CACNG6: variants seen among roughly 807,000 people sequenced by gnomAD.
The protein encoded by CACNG6 is calcium voltage-gated channel auxiliary subunit gamma 6, also known as voltage-dependent calcium channel gamma-6 subunit.
A neutral mutation model predicts 23.9 loss-of-function variants in CACNG6; 21 were observed. That is an observed-to-expected ratio of 0.88 (90% CI 0.62 to 1.26). The LOEUF (loss-of-function observed/expected upper bound fraction) is 1.26. CACNG6 is among the 50% of genes most tolerant of loss of function. The pLI, the probability that CACNG6 is intolerant of heterozygous loss-of-function variation, is 0.00. For missense variants in CACNG6, 340 were observed against 352.9 expected (o/e 0.96, Z 0.29); for synonymous variants, 182 against 168.9 (o/e 1.08, Z -0.60).
chr19:54,003,785 C>CAG lies in CACNG6; in HGVS notation c.544+4014_544+4015insAG, dbSNP rs371508491. The stretch of plus-strand genomic sequence containing the variant: ...AGGTAATTTCTATGGCCTCCTAACT[C>CAG]TTCTCTATGCTTCTCCTTTTAACCT... On this transcript the variant is annotated intron_variant, in intron 3 of 3. Transcript: ENST00000252729. 2.1e-3 allele frequency among the ~76,000 whole-genome samples: 325 copies of CAG among 152,314 alleles called. 1 individual carries two copies. The highest frequency in any genetic ancestry group is 7.5e-3 in the African/African-American group (313 of 41,570).
chr19:53,998,661 A>G (rs563555699), intron 2 of CACNG6, among the ~76,000 whole-genome samples: 48 of 151,980 alleles, frequency 3.2e-4, no homozygotes, highest in African/African-American at 1.1e-3. Context: ...ATAGGCGCCC[A>G]CCATCATGCC....
At chr19:54,006,517 CTTTTCTTTTT>C (rs1320391767) in intron 3 of CACNG6, among the ~76,000 whole-genome samples, 8 of 107,338 alleles carry the variant, frequency 7.5e-5, no homozygotes, top group African/African-American at 1.1e-4. Context: ...TTCCTTCTTT[CTTTTCTTTTT>C]TTTTTTTTTT....
chr19:54,003,657 A>G (rs2145961378), intron 3 of CACNG6, among the ~76,000 whole-genome samples: 1 of 152,006 alleles, frequency 6.6e-6, no homozygotes, highest in South Asian at 2.1e-4. Flanking sequence ...CACCCTGCCT[A>G]GCCATCCACC....
chr19:53,999,617 C>G lies in CACNG6; in HGVS notation c.407-17C>G, dbSNP rs370599460. 87 of 1,611,818 alleles carry G rather than the reference C, an allele frequency of 5.4e-5. No homozygotes were observed. The African/African-American group carries it at 1.1e-3, about 20-fold the overall frequency. On this transcript the variant is annotated splice_polypyrimidine_tract_variant and intron_variant, in intron 2 of 3. Coordinates refer to ENST00000252729, the MANE Select transcript of CACNG6 (RefSeq NM_145814.2). Reference sequence around the variant, plus strand: ...ACATCCCATGTTCTCTGCTTCTTTCCTCTCTCCTGCTGGCAGAGGTGAATC... The same window carrying G: ...ACATCCCATGTTCTCTGCTTCTTTCGTCTCTCCTGCTGGCAGAGGTGAATC...
intron 3 of CACNG6, among the ~76,000 whole-genome samples, chr19:54,010,031 CT>C (rs1228771084): frequency 8.5e-6 from 1 of 118,190 alleles, no homozygotes; most frequent in Non-Finnish European, 1.6e-5. Flanking sequence ...GAGACTATTT[CT>C]TTTCTTTCTT....
chr19:53,991,579 GGAGGGT>G, upstream of CACNG6, among the ~76,000 whole-genome samples: 1 of 108,096 alleles, frequency 9.3e-6, no homozygotes. Context: ...CCCCGAGGGT[GGAGGGT>G]GGAGGGTGGG....
intron 3 of CACNG6, among the ~76,000 whole-genome samples, chr19:54,006,165 G>A (rs916538183): frequency 3.3e-5 from 5 of 151,710 alleles, no homozygotes; most frequent in African/African-American, 1.2e-4. Flanking sequence ...GACTTTACCT[G>A]CTTTATTTTT....
chr19:54,000,153 C>T (rs1371300028), intron 3 of CACNG6, among the ~76,000 whole-genome samples: 3 of 152,320 alleles, frequency 2.0e-5, no homozygotes, highest in South Asian at 2.1e-4. Flanking sequence ...TTAGAGAAAG[C>T]GCAAGGACTA....
chr19:54,001,075 G>T (rs2069570404), intron 3 of CACNG6, among the ~76,000 whole-genome samples: 1 of 152,184 alleles, frequency 6.6e-6, no homozygotes, highest in East Asian at 1.9e-4. Flanking sequence ...TACAACCTCT[G>T]CCTCTAGGTT....
rs2069612233 is a variant in CACNG6 at position 54,004,333 on chromosome 19, TTTTGTGTGTGTGTGTGTG to T, written c.544+4564_544+4581del. On this transcript the variant is annotated intron_variant, in intron 3 of 3. Coordinates refer to ENST00000252729, the MANE Select transcript of CACNG6 (RefSeq NM_145814.2). ...CCACCACGCCTGGTTAATTTTGTAT[TTTTGTGTGTGTGTGTGTG>T]TGTGTGTGTGTGTGTGTGTGTGTGT... 3.8e-5 allele frequency among the ~76,000 whole-genome samples: 4 copies of T among 104,408 alleles called. No homozygotes were observed. In the South Asian group the frequency reaches 1.3e-3, roughly 33 times the overall value. 68.5% of individuals were successfully genotyped at this position (104,408 alleles called of 152,430 possible). A position where few individuals can be genotyped will look rare whatever the true frequency, so the allele number is the denominator to read the frequency against.
At chr19:54,004,314 C>A (rs555989741) in intron 3 of CACNG6, among the ~76,000 whole-genome samples, 1 of 147,818 alleles carries the variant, frequency 6.8e-6, no homozygotes, top group African/African-American at 2.6e-5. Context: ...TGCGCCACCA[C>A]GCCTGGTTAA....
intron 3 of CACNG6, among the ~76,000 whole-genome samples, chr19:54,004,176 T>C (rs1034143380): frequency 3.9e-5 from 6 of 152,076 alleles, no homozygotes; most frequent in African/African-American, 1.2e-4. Flanking sequence ...TTTTTTTTTT[T>C]TGAGACGGAG....
chr19:53,996,776 A>G (rs2069525117), intron 1 of CACNG6, among the ~76,000 whole-genome samples: 1 of 150,232 alleles, frequency 6.7e-6, no homozygotes, highest in Non-Finnish European at 1.5e-5. Context: ...ACAGATATGT[A>G]TTTTGACTTG....
At chr19:53,991,349 C>G (rs1451083849), upstream of CACNG6, among the ~76,000 whole-genome samples, 4 of 151,952 alleles carry the variant, frequency 2.6e-5, no homozygotes, top group East Asian at 7.8e-4. Flanking sequence ...GTCAGACTTG[C>G]TGCCCCGCCC....
chr19:54,004,498 G>A (rs2069617499), intron 3 of CACNG6, among the ~76,000 whole-genome samples: 1 of 151,566 alleles, frequency 6.6e-6, no homozygotes, highest in Non-Finnish European at 1.5e-5. Flanking sequence ...GATTACAGGT[G>A]TGAGCCACCA....
intron 3 of CACNG6, among the ~76,000 whole-genome samples, chr19:54,009,152 G>T (rs910872284): frequency 6.6e-6 from 1 of 152,102 alleles, no homozygotes; most frequent in Non-Finnish European, 1.5e-5. Context: ...GCCGGGCGCG[G>T]TGGCTCACGT....
At position 54,009,424 on chromosome 19, in the gene CACNG6, TG is replaced by T. The variant is rs1468573207; in HGVS notation, c.545-2524del. 3.6e-5 allele frequency among the ~76,000 whole-genome samples: 5 copies of T among 137,546 alleles called. No individual in the cohort carries two copies. The South Asian group carries it at 1.2e-3, about 32-fold the overall frequency. The allele number at this position is 137,546 out of a possible 152,430, so 90.2% of individuals were successfully genotyped here. A position where few individuals can be genotyped will look rare whatever the true frequency, so the allele number is the denominator to read the frequency against. On this transcript the variant is annotated intron_variant, in intron 3 of 3. Coordinates refer to ENST00000252729, the MANE Select transcript of CACNG6 (RefSeq NM_145814.2). The stretch of plus-strand genomic sequence containing the variant: ...GAGATCATGTCACTGCACTCTAGCC[TG>T]GGCAACAGAGTGAGACTCCATCTAA...
chr19:54,012,128 T>C lies in CACNG6; in HGVS notation c.722T>C (p.Leu241Pro), dbSNP rs752943229. 61 of 1,549,736 alleles carry C rather than the reference T, an allele frequency of 3.9e-5. No individual in the cohort carries two copies. The highest frequency in any genetic ancestry group is 5.1e-5 in the Non-Finnish European group (59 of 1,149,248). ...LLLGAGCFLL[L>P]TLPSWPWGSL... ...TTGGGGGCCGGCTGCTTTCTGCTGCTCACACTGCCTTCCTGGCCCTGGGGG... is the reference window on the plus strand; with the variant it reads ...TTGGGGGCCGGCTGCTTTCTGCTGCCCACACTGCCTTCCTGGCCCTGGGGG... The change falls in exon 4 of 4, where the codon CTC becomes CCC. Residue 241 changes from leucine to proline, a missense_variant. Physicochemically the swap from Leu to Pro is moderately conservative, Grantham distance 98. Transcript: ENST00000252729.
At chr19:54,006,510 CTTCTTTCTT>C (rs1164136328) in intron 3 of CACNG6, among the ~76,000 whole-genome samples, 3 of 137,320 alleles carry the variant, frequency 2.2e-5, no homozygotes, top group Admixed American at 8.6e-5. Flanking sequence ...TCCCCAGTTC[CTTCTTTCTT>C]TTCTTTTTTT....
Sources: allele counts gnomAD v4.1 joint callset (sites outside exome capture counted in the v4.1 genomes callset), GRCh38; gene constraint gnomAD v4.1.1; transcripts MANE v1.5; gene names NCBI Gene and HGNC (gene_info 2026-07-23, HGNC 2026-07-21).